The following MBNL2 variants were observed in gnomAD, a reference collection of about 807,000 sequenced individuals.
MBNL2 encodes the protein muscleblind like splicing regulator 2.
Under a neutral mutation model 41.9 loss-of-function variants are expected in MBNL2, and 17 were observed. The ratio of observed to expected loss-of-function variants is 0.41; its 90% confidence interval spans 0.28 to 0.61. The LOEUF is 0.61. Ranked by LOEUF, MBNL2 falls within the 20% of genes least tolerant of loss-of-function variation. The pLI, the probability that MBNL2 is intolerant of heterozygous loss-of-function variation, is 0.35. For missense variants in MBNL2, 336 were observed against 505.6 expected (o/e 0.66, Z 3.22); for synonymous variants, 195 against 182.9 (o/e 1.07, Z -0.53).
At chr13:97,278,038 G>A (rs2052533054) in intron 2 of MBNL2, among the ~76,000 whole-genome samples, 1 of 151,934 alleles carries the variant, frequency 6.6e-6, no homozygotes, top group African/African-American at 2.4e-5. Context: ...GGCGGATCAC[G>A]AGATCAGGGG....
intron 8 of MBNL2, among the ~76,000 whole-genome samples, chr13:97,374,914 A>G (rs2064819301): frequency 6.6e-6 from 1 of 152,164 alleles, no homozygotes. Context: ...GAAGGAATTC[A>G]GGTCCATTTT....
the MBNL2 span, among the ~76,000 whole-genome samples, chr13:97,142,690 C>T: frequency 1.3e-5 from 2 of 152,164 alleles, no homozygotes; most frequent in Non-Finnish European, 2.9e-5. Flanking sequence ...GCCTGACCTC[C>T]GCTTCCGCTT....
At chr13:97,191,449 G>T in the MBNL2 span, among the ~76,000 whole-genome samples, 3 of 151,594 alleles carry the variant, frequency 2.0e-5, no homozygotes, top group African/African-American at 7.3e-5. Context: ...CCATCTGCCA[G>T]CTTGAATTTT....
At chr13:97,382,660 C>T (rs2065569115) in intron 8 of MBNL2, among the ~76,000 whole-genome samples, 1 of 150,938 alleles carries the variant, frequency 6.6e-6, no homozygotes, top group Non-Finnish European at 1.5e-5. Context: ...GCCATGGTTT[C>T]ATCTGCCAAC....
rs2052115614 is a variant in MBNL2 at position 97,276,308 on chromosome 13, G to A, written c.73G>A (p.Gly25Arg). ...TLEVCRQFQR[G>R]TCSRSDEECK... ...AGAAGTCTGCAGACAGTTTCAAAGA[G>A]GAACATGCTCACGCTCTGATGAAGA... Residue 25 changes from glycine to arginine, a missense_variant, in exon 2 of 9, where the codon GGA (glycine) becomes AGA (arginine). By Grantham distance (125) the Gly-to-Arg change is moderately radical (BLOSUM62 -2). Transcript: ENST00000679496. 2 of 1,613,834 alleles carry A rather than the reference G, an allele frequency of 1.2e-6. No individual in the cohort carries two copies. The highest frequency in any genetic ancestry group is 1.1e-5 in the South Asian group (1 of 91,072).
rs1491513676 is a variant in MBNL2 at position 97,232,890 on chromosome 13, T to TGTGTGTGC, written c.-605+10360_-605+10361insTGTGTGCG. Reference sequence around the variant, plus strand: ...GTGTGTGTGTGTGTGTGTGTGTGTGTGCGCACGTACACTGAATGAACTTAA... The same window carrying TGTGTGTGC: ...GTGTGTGTGTGTGTGTGTGTGTGTGTGTGTGTGCGCGCACGTACACTGAATGAACTTAA... On this transcript the variant is annotated intron_variant, in intron 1 of 8. Transcript: ENST00000679496. Among the ~76,000 whole-genome samples, 1,179 of 134,548 alleles carry TGTGTGTGC rather than the reference T, an allele frequency of 8.8e-3. 14 individuals carry two copies. Among genetic ancestry groups the TGTGTGTGC allele is most frequent in the South Asian group, 0.042 (174 of 4,138 alleles). The allele number at this position is 134,548 out of a possible 152,430, so 88.3% of individuals were successfully genotyped here. A position where few individuals can be genotyped will look rare whatever the true frequency, so the allele number is the denominator to read the frequency against.
chr13:97,385,675 C>T (rs1441529224), intron 8 of MBNL2, among the ~76,000 whole-genome samples: 2 of 152,190 alleles, frequency 1.3e-5, no homozygotes, highest in Non-Finnish European at 2.9e-5. Context: ...CTAGAAGTCA[C>T]CTAGAAGCCC....
intron 2 of MBNL2, among the ~76,000 whole-genome samples, chr13:97,309,406 A>G (rs953177524): frequency 2.0e-5 from 3 of 152,208 alleles, no homozygotes; most frequent in Non-Finnish European, 1.5e-5. Flanking sequence ...TCTTAATCCA[A>G]TATGACTGGT....
chr13:97,380,358 G>C (rs192078223), intron 8 of MBNL2, among the ~76,000 whole-genome samples: 28 of 152,258 alleles, frequency 1.8e-4, no homozygotes, highest in African/African-American at 6.5e-4. Flanking sequence ...GCCAGGTGTG[G>C]TGGTGGGCAT....
At chr13:97,343,510 A>G (rs1304769991) in intron 4 of MBNL2, among the ~76,000 whole-genome samples, 2 of 152,152 alleles carry the variant, frequency 1.3e-5, no homozygotes, top group Admixed American at 1.3e-4. Flanking sequence ...ATCATGATGC[A>G]GCCCATAGAG....
intron 2 of MBNL2, among the ~76,000 whole-genome samples, chr13:97,304,294 G>C (rs1419731519): frequency 1.3e-5 from 2 of 152,178 alleles, no homozygotes; most frequent in Non-Finnish European, 2.9e-5. Flanking sequence ...AGTTTGTAGG[G>C]ATTGACTTGG....
intron 1 of MBNL2, among the ~76,000 whole-genome samples, chr13:97,265,265 GA>G (rs1360970651): frequency 6.6e-6 from 1 of 151,932 alleles, no homozygotes; most frequent in African/African-American, 2.4e-5. Context: ...TAAGATACAT[GA>G]AAAAAAAGTT....
chr13:97,374,790 T>C (rs140470378), intron 8 of MBNL2, among the ~76,000 whole-genome samples: 84 of 152,308 alleles, frequency 5.5e-4, no homozygotes, highest in Middle Eastern at 3.4e-3. Context: ...AAAATCATGT[T>C]CCATTTCTCC....
chr13:97,328,426 C>T (rs139719998), intron 2 of MBNL2, among the ~76,000 whole-genome samples: 100 of 152,322 alleles, frequency 6.6e-4, no homozygotes, highest in Middle Eastern at 3.4e-3. Context: ...ATGCCATCTG[C>T]CCTTAAACCT....
chr13:97,233,126 CATATATATATATATATAT>C (rs376967986), intron 1 of MBNL2, among the ~76,000 whole-genome samples: 862 of 39,774 alleles, frequency 0.022, 36 homozygotes, highest in African/African-American at 0.045. Context: ...GGCTCTTTTT[CATATATATATATATATAT>C]ATATATATAT....
rs563838307 is a variant in MBNL2, at chr13:97,364,038, G to A, written c.1013-1098G>A. On this transcript the variant is annotated intron_variant, in intron 7 of 8. Transcript: ENST00000679496. ...CCAGTCTTCAGTGATCTAAATCCAT[G>A]TATTACCTTGTTTTTCATGGAACTG... Among the ~76,000 whole-genome samples, 5 of 152,262 alleles carry A rather than the reference G, an allele frequency of 3.3e-5. No homozygotes were observed. The South Asian group carries it at 8.3e-4, about 25-fold the overall frequency.
chr13:97,368,846 C>CA (rs1297542716), intron 8 of MBNL2, among the ~76,000 whole-genome samples: 1 of 152,042 alleles, frequency 6.6e-6, no homozygotes, highest in Non-Finnish European at 1.5e-5. Context: ...GTTGAGGTTT[C>CA]AACTTCTTTA....
At chr13:97,218,383 C>G (rs767634296), upstream of MBNL2, among the ~76,000 whole-genome samples, 18 of 143,532 alleles carry the variant, frequency 1.3e-4, no homozygotes, top group Non-Finnish European at 1.9e-4. Flanking sequence ...ACACTCCAGC[C>G]TGGGCGACAG....
Position 97,391,736 on chromosome 13 carries a change from A to C in MBNL2, c.*287A>C. 3.5e-6 allele frequency: 1 copy of C among 283,970 alleles called. No homozygotes were observed. Among genetic ancestry groups the C allele is most frequent in the Non-Finnish European group, 6.5e-6 (1 of 154,516 alleles). The allele number at this position is 283,970 out of a possible 1,614,324, so 17.6% of individuals were successfully genotyped here. ...TCAGAATATTTCAAATTTAGCAATAAACAATTAGCATTAGTTAAAAAAGAA... is the reference window on the plus strand; with the variant it reads ...TCAGAATATTTCAAATTTAGCAATACACAATTAGCATTAGTTAAAAAAGAA... On this transcript the variant is annotated 3_prime_UTR_variant, in exon 9 of 9. Transcript: ENST00000679496.
Sources: allele counts gnomAD v4.1 joint callset (sites outside exome capture counted in the v4.1 genomes callset), GRCh38; gene constraint gnomAD v4.1.1; transcripts MANE v1.5; gene names NCBI Gene and HGNC (gene_info 2026-07-23, HGNC 2026-07-21).